The following PXDNL variants were observed in gnomAD, a reference collection of about 807,000 sequenced individuals.
The protein encoded by PXDNL is probable oxidoreductase PXDNL.
A neutral mutation model predicts 150.8 loss-of-function variants in PXDNL; 145 were observed. That is an observed-to-expected ratio of 0.96 (90% CI 0.84 to 1.10). PXDNL has a LOEUF of 1.10. Ranked by LOEUF, PXDNL falls within the 50% of genes least tolerant of loss-of-function variation. PXDNL has a pLI of 0.00. For synonymous variants in PXDNL, 757 were observed against 725.7 expected, an observed-to-expected ratio of 1.04 and a Z score of -0.69; for missense variants, 2,087 against 1,873.9, an observed-to-expected ratio of 1.11 and a Z score of -2.10.
chr8:51,559,490 C>T lies in PXDNL; in HGVS notation c.309-2579G>A, dbSNP rs144572888. 6.1e-3 allele frequency among the ~76,000 whole-genome samples: 932 copies of T among 151,920 alleles called. 8 individuals are homozygous for T. The highest frequency in any genetic ancestry group is 0.024 in the South Asian group (116 of 4,794). On this transcript the variant is annotated intron_variant, in intron 3 of 22. Transcript: ENST00000356297. ...CACCTCTGAAAACCACACAGTTCAA[C>T]GAAAGAAGAAAAACACATCACCCAG...
At chr8:51,622,946 C>G (rs1286599397) in intron 2 of PXDNL, among the ~76,000 whole-genome samples, 1 of 152,152 alleles carries the variant, frequency 6.6e-6, no homozygotes, top group African/African-American at 2.4e-5. Flanking sequence ...GATTCACATT[C>G]ATATCTAAGT....
At chr8:51,464,955 C>T (rs945281504) in intron 8 of PXDNL, among the ~76,000 whole-genome samples, 17 of 152,152 alleles carry the variant, frequency 1.1e-4, no homozygotes, top group African/African-American at 3.4e-4. Context: ...CATGGAGTCA[C>T]AGCCAAATTT....
intron 3 of PXDNL, among the ~76,000 whole-genome samples, chr8:51,558,860 A>C (rs1270278492): frequency 1.3e-5 from 2 of 152,064 alleles, no homozygotes; most frequent in Non-Finnish European, 2.9e-5. Flanking sequence ...AGACCAATAC[A>C]CTGAGATAGC....
intron 5 of PXDNL, among the ~76,000 whole-genome samples, chr8:51,497,997 C>A (rs1163411637): frequency 6.6e-6 from 1 of 152,024 alleles, no homozygotes; most frequent in Non-Finnish European, 1.5e-5. Context: ...TTTATTGTGG[C>A]ACTATTCACA....
At position 51,426,103 on chromosome 8, in the gene PXDNL, T is replaced by C. The variant is rs367640980; in HGVS notation, c.1638+543A>G. On this transcript the variant is annotated intron_variant, in intron 13 of 22. Transcript: ENST00000356297. Reference sequence around the variant, plus strand: ...AAATCTGAGACCGACCATTTTGTTTTGATGAAAAACTTAAAACAGAAGAAG... The same window carrying C: ...AAATCTGAGACCGACCATTTTGTTTCGATGAAAAACTTAAAACAGAAGAAG... Among the ~76,000 whole-genome samples, 4 of 152,336 alleles carry C rather than the reference T, an allele frequency of 2.6e-5. No individual in the cohort carries two copies. The South Asian group carries it at 8.3e-4, about 32-fold the overall frequency.
At chr8:51,641,132 T>C (rs996790539) in intron 2 of PXDNL, among the ~76,000 whole-genome samples, 2 of 151,226 alleles carry the variant, frequency 1.3e-5, no homozygotes, top group African/African-American at 4.9e-5. Context: ...TAAATGGTGC[T>C]GGGAAAACTG....
At chr8:51,536,580 C>T (rs1812083012) in intron 4 of PXDNL, among the ~76,000 whole-genome samples, 1 of 150,906 alleles carries the variant, frequency 6.6e-6, no homozygotes, top group Non-Finnish European at 1.5e-5. Flanking sequence ...CGACAGTGCC[C>T]AGGACAGGGT....
At chr8:51,507,155 A>G (rs1295106613) in intron 4 of PXDNL, among the ~76,000 whole-genome samples, 1 of 152,224 alleles carries the variant, frequency 6.6e-6, no homozygotes, top group Non-Finnish European at 1.5e-5. Flanking sequence ...GGTCAAATAC[A>G]AGGAATCAAT....
intron 6 of PXDNL, among the ~76,000 whole-genome samples, chr8:51,476,650 G>A (rs1236111917): frequency 1.3e-5 from 2 of 152,140 alleles, no homozygotes; most frequent in African/African-American, 4.8e-5. Context: ...TGGCAAAAAG[G>A]CGCAGAAATG....
In PXDNL at chr8:51,330,468, C is replaced by T. The variant is rs374964048; in HGVS notation, c.4146+9156G>A. Among the ~76,000 whole-genome samples the T allele has an allele frequency of 8.5e-5, 13 of 152,200 alleles. No homozygotes were observed. In the East Asian group the frequency reaches 2.1e-3, roughly 25 times the overall value. On this transcript the variant is annotated intron_variant, in intron 21 of 22. Transcript: ENST00000356297. ...ACAGGCTGTTTCATTTCTGCAAAAA[C>T]GGTATCTTAGTTTGCTAGGGCTGTC...
chr8:51,360,450 A>G (rs1806692039), intron 19 of PXDNL, among the ~76,000 whole-genome samples: 1 of 152,210 alleles, frequency 6.6e-6, no homozygotes, highest in South Asian at 2.1e-4. Context: ...ATACATGCCT[A>G]TACAATACAT....
intron 4 of PXDNL, among the ~76,000 whole-genome samples, chr8:51,534,074 A>T (rs1386619645): frequency 7.0e-6 from 1 of 142,520 alleles, no homozygotes; most frequent in Non-Finnish European, 1.5e-5. Context: ...CCATCTAGGA[A>T]GTGAGGCGTG....
chr8:51,511,187 G>A (rs1004448332), intron 4 of PXDNL, among the ~76,000 whole-genome samples: 3 of 152,140 alleles, frequency 2.0e-5, no homozygotes, highest in Admixed American at 6.5e-5. Context: ...CAATCATTCT[G>A]TGATGCTGTG....
At chr8:51,452,935 A>AACACATACACAAACACAT (rs60146365) in intron 10 of PXDNL, among the ~76,000 whole-genome samples, 1 of 142,566 alleles carries the variant, frequency 7.0e-6, no homozygotes, top group Non-Finnish European at 1.5e-5. Context: ...CACACACACA[A>AACACATACACAAACACAT]ACACACACAC....
At chr8:51,646,918 T>G (rs998234169) in intron 2 of PXDNL, among the ~76,000 whole-genome samples, 16 of 152,072 alleles carry the variant, frequency 1.1e-4, no homozygotes, top group Admixed American at 7.9e-4. Context: ...GACGGTTTAT[T>G]CAGTGCAGCA....
intron 15 of PXDNL, 102 bp from the exon 16 acceptor site, chr8:51,411,509 G>A: frequency 9.1e-7 from 1 of 1,102,140 alleles, no homozygotes; most frequent in Admixed American, 4.0e-5. Context: ...AAACATTCGA[G>A]AAGAATGAAA....
chr8:51,621,215 CAT>C (rs1814245156), intron 2 of PXDNL, among the ~76,000 whole-genome samples: 1 of 152,114 alleles, frequency 6.6e-6, no homozygotes, highest in Admixed American at 6.5e-5. Context: ...ATCTACACAT[CAT>C]AAAATTTCTA....
chr8:51,787,872 C>A (rs2037475033), intron 1 of PXDNL, among the ~76,000 whole-genome samples: 1 of 152,182 alleles, frequency 6.6e-6, no homozygotes, highest in Admixed American at 6.5e-5. Flanking sequence ...CAGGAAACTT[C>A]CTCATCTTAT....
chr8:51,361,232 T>C (rs1475058964), intron 19 of PXDNL, among the ~76,000 whole-genome samples: 1 of 152,198 alleles, frequency 6.6e-6, no homozygotes, highest in African/African-American at 2.4e-5. Context: ...CAGAATCACG[T>C]TGGATCTGAT....
Sources: gnomAD v4.1 joint callset for allele counts (sites outside exome capture counted in the v4.1 genomes callset) on GRCh38, gnomAD v4.1.1 for gene constraint, MANE v1.5 for transcripts, NCBI Gene and HGNC (gene_info 2026-07-23, HGNC 2026-07-21) for gene names.